Variants in CIROZ observed in about 807,000 individuals in gnomAD.
CIROZ encodes ciliated left-right organizer ZP-N domains-containing protein.
chr1:10,971,887 C>T, the CIROZ span, among the ~76,000 whole-genome samples: 7 of 152,160 alleles, frequency 4.6e-5, no homozygotes, highest in Non-Finnish European at 8.8e-5. Flanking sequence ...GTGGCTGGAG[C>T]CTGACCTGCC....
At chr1:10,973,644 C>T in the CIROZ span, among the ~76,000 whole-genome samples, 2 of 152,074 alleles carry the variant, frequency 1.3e-5, 1 homozygote, top group South Asian at 4.1e-4. Flanking sequence ...TGGCTGGGGT[C>T]GAACACTCTA....
At chr1:10,968,353 C>T in the CIROZ span, among the ~76,000 whole-genome samples, 1 of 152,132 alleles carries the variant, frequency 6.6e-6, no homozygotes, top group Non-Finnish European at 1.5e-5. Context: ...ATGCTTGACT[C>T]GACTGTGCAT....
the CIROZ span, chr1:10,947,717 C>A: frequency 6.4e-7 from 1 of 1,553,412 alleles, no homozygotes; most frequent in Non-Finnish European, 8.7e-7. Context: ...GCTCAGGAGG[C>A]CTGTGGCTTT....
chr1:10,954,409 G>C, the CIROZ span, among the ~76,000 whole-genome samples: 1 of 149,950 alleles, frequency 6.7e-6, no homozygotes. Flanking sequence ...AGCCGAGATC[G>C]CGCCACTGCA....
the CIROZ span, among the ~76,000 whole-genome samples, chr1:10,980,193 G>A: frequency 1.3e-5 from 2 of 152,264 alleles, no homozygotes; most frequent in South Asian, 2.1e-4. Context: ...CCAGCCCAGG[G>A]AGGCCAAATG....
At chr1:10,956,313 G>A in the CIROZ span, among the ~76,000 whole-genome samples, 2 of 152,116 alleles carry the variant, frequency 1.3e-5, no homozygotes, top group Admixed American at 6.6e-5. Flanking sequence ...CACATACATG[G>A]TCTAGATAGG....
the CIROZ span, among the ~76,000 whole-genome samples, chr1:10,959,300 T>G: frequency 1.3e-5 from 2 of 152,096 alleles, no homozygotes; most frequent in Non-Finnish European, 2.9e-5. The surrounding 1 kb of genome is among the most constrained non-coding windows in gnomAD (Gnocchi z 4.3). Context: ...GTGCTAAAAC[T>G]GAGACAGGCC....
the CIROZ span, among the ~76,000 whole-genome samples, chr1:10,962,356 A>G: frequency 6.6e-6 from 1 of 152,166 alleles, no homozygotes; most frequent in Non-Finnish European, 1.5e-5. Flanking sequence ...CTGAGGCAGG[A>G]GAATCACTTG....
chr1:10,974,520 C>T, the CIROZ span, among the ~76,000 whole-genome samples: 2 of 152,232 alleles, frequency 1.3e-5, no homozygotes, highest in South Asian at 2.1e-4. The surrounding 1 kb of genome is among the most constrained non-coding windows in gnomAD (Gnocchi z 4.4). Context: ...CTGAACACTC[C>T]GTGGGAAGAC....
chr1:10,976,135 A>C, the CIROZ span: 1 of 1,532,292 alleles, frequency 6.5e-7, no homozygotes, highest in Non-Finnish European at 8.8e-7. Context: ...GATGCCAACC[A>C]TAAAAGTGTG....
chr1:10,947,950 C>G, the CIROZ span: 2 of 1,613,788 alleles, frequency 1.2e-6, no homozygotes, highest in African/African-American at 1.3e-5. Flanking sequence ...CGGGCCTGGT[C>G]TGGCCCTCCC....
chr1:10,970,147 A>G, the CIROZ span: 15 of 1,414,200 alleles, frequency 1.1e-5, no homozygotes, highest in Non-Finnish European at 1.3e-5. Context: ...GAAGGAAGGA[A>G]GGAAGGAAGA....
chr1:10,970,193 T>G, the CIROZ span: 49 of 1,083,728 alleles, frequency 4.5e-5, no homozygotes, highest in Non-Finnish European at 5.8e-5. Flanking sequence ...AAGGAGCTCC[T>G]CTCAGCCTGG....
the CIROZ span, chr1:10,954,279 C>G: frequency 3.0e-6 from 3 of 998,440 alleles, no homozygotes; most frequent in African/African-American, 1.7e-5. Flanking sequence ...ACAGTGAAAC[C>G]CTGTCTCTAC....
chr1:10,971,111 T>C, the CIROZ span, among the ~76,000 whole-genome samples: 2 of 50 alleles, frequency 0.04, no homozygotes, highest in East Asian at 0.5. Flanking sequence ...ATGGCGCCAC[T>C]ACACTCCAGC....
chr1:10,961,968 G>T, the CIROZ span, among the ~76,000 whole-genome samples: 1 of 152,058 alleles, frequency 6.6e-6, no homozygotes, highest in African/African-American at 2.4e-5. Flanking sequence ...ATGAACAAAT[G>T]CTTGTTGGAT....
At chr1:10,955,292 C>G in the CIROZ span, 1 of 1,026,884 alleles carries the variant, frequency 9.7e-7, no homozygotes, top group African/African-American at 1.6e-5. Context: ...GTGGCCGGCA[C>G]AGCACACTTC....
chr1:10,953,194 C>T, the CIROZ span, among the ~76,000 whole-genome samples: 4 of 152,246 alleles, frequency 2.6e-5, no homozygotes, highest in Admixed American at 6.5e-5. Flanking sequence ...TGTGCAACAC[C>T]GAAACATCAT....
At chr1:10,981,662 T>C in the CIROZ span, among the ~76,000 whole-genome samples, 2 of 152,178 alleles carry the variant, frequency 1.3e-5, no homozygotes, top group African/African-American at 2.4e-5. Context: ...CATCTCTTGG[T>C]CAACTTGACC....
Sources: gnomAD v4.1 joint callset for allele counts (sites outside exome capture counted in the v4.1 genomes callset) on GRCh38, gnomAD v4.1.1 for gene constraint, Gnocchi (gnomAD v3.1) non-coding constraint, MANE v1.5 for transcripts, NCBI Gene and HGNC (gene_info 2026-07-23, HGNC 2026-07-21) for gene names.